The following UBE2D3 variants were observed in gnomAD, a reference collection of about 807,000 sequenced individuals.
UBE2D3 encodes ubiquitin-conjugating enzyme E2 D3.
A neutral mutation model predicts 22.8 loss-of-function variants in UBE2D3; 2 were observed. The ratio of observed to expected loss-of-function variants is 0.09; its 90% confidence interval spans 0.04 to 0.28. The LOEUF (loss-of-function observed/expected upper bound fraction) is 0.28, where lower values mean the gene tolerates loss of function less well. Among genes scored for constraint, UBE2D3 ranks in the 10% least tolerant of loss-of-function variants. The pLI, the probability that UBE2D3 is intolerant of heterozygous loss-of-function variation, is 1.00. For missense variants in UBE2D3, 27 were observed against 182.5 expected (o/e 0.15, Z 4.91); for synonymous variants, 56 against 60.4 (o/e 0.93, Z 0.34).
chr4:102,827,656 G>A (rs1159632635), upstream of UBE2D3: 2 of 986,280 alleles, frequency 2.0e-6, no homozygotes, highest in African/African-American at 1.7e-5. Flanking sequence ...ATGTGAGGCC[G>A]AAGCCAGACG....
Position 102,826,561 on chromosome 4 carries a change from C to T in UBE2D3, c.-53G>A. On this transcript the variant is annotated 5_prime_UTR_variant, in exon 2 of 8. Transcript: ENST00000453744. ...CTCTCTCGGTGTATGCTCAAAGGTCCGGCCAAAACTCTTGATTATCCCGGC... is the reference window on the plus strand; with the variant it reads ...CTCTCTCGGTGTATGCTCAAAGGTCTGGCCAAAACTCTTGATTATCCCGGC... 2 of 1,609,656 alleles carry T rather than the reference C, an allele frequency of 1.2e-6. No individual in the cohort carries two copies. The highest frequency in any genetic ancestry group is 8.5e-7 in the Non-Finnish European group (1 of 1,179,638).
intron 1 of UBE2D3, among the ~76,000 whole-genome samples, chr4:102,835,225 T>C (rs1731329073): frequency 6.6e-6 from 1 of 152,240 alleles, no homozygotes; most frequent in Non-Finnish European, 1.5e-5. Flanking sequence ...CATTTTTAAT[T>C]GCATATTTTC....
chr4:102,823,218 T>G (rs1729911176), intron 2 of UBE2D3, among the ~76,000 whole-genome samples: 1 of 152,200 alleles, frequency 6.6e-6, no homozygotes, highest in African/African-American at 2.4e-5. Context: ...TAAAGGATGA[T>G]ATCAAACTGT....
upstream of UBE2D3, among the ~76,000 whole-genome samples, chr4:102,828,652 C>G (rs1228328773): frequency 6.6e-6 from 1 of 152,168 alleles, no homozygotes; most frequent in Admixed American, 6.5e-5. Context: ...TGCTGTGTTT[C>G]AGTTCTTGAG....
At chr4:102,846,714 A>T (rs887044239) in intron 1 of UBE2D3, among the ~76,000 whole-genome samples, 8 of 152,042 alleles carry the variant, frequency 5.3e-5, no homozygotes, top group Non-Finnish European at 1.2e-4. Context: ...ATCATGGCTC[A>T]TTGCAACTTT....
Position 102,795,112 on chromosome 4 carries a change from G to C in UBE2D3, c.*2303C>G. The C allele has an allele frequency of 6.6e-6, 1 of 152,044 alleles. No individual in the cohort carries two copies. The highest frequency in any genetic ancestry group is 1.9e-4 in the East Asian group (1 of 5,200). 9.4% of individuals were successfully genotyped at this position (152,044 alleles called of 1,614,324 possible). A position where few individuals can be genotyped will look rare whatever the true frequency, so the allele number is the denominator to read the frequency against. ...TTACTGTTCTTTTAAACCTGGAGAA[G>C]CCTCTATGGCTTATTCCCTTAGAAG... On this transcript the variant is annotated 3_prime_UTR_variant, in exon 8 of 8. Transcript: ENST00000453744.
At chr4:102,807,510 G>C (rs1263343535) in intron 4 of UBE2D3, among the ~76,000 whole-genome samples, 1 of 152,118 alleles carries the variant, frequency 6.6e-6, no homozygotes, top group African/African-American at 2.4e-5. Context: ...ACATATTTCA[G>C]TGAGTACTGC....
chr4:102,825,304 A>G (rs910922169), intron 2 of UBE2D3: 3 of 987,198 alleles, frequency 3.0e-6, no homozygotes, highest in Non-Finnish European at 3.6e-6. Flanking sequence ...AGTTAGCTGT[A>G]AACACTCCAC....
At chr4:102,826,989 G>A (rs937929024) in intron 1 of UBE2D3, 24 of 997,724 alleles carry the variant, frequency 2.4e-5, no homozygotes, top group Non-Finnish European at 2.7e-5. Flanking sequence ...AGGCAAGGGG[G>A]GAGGGGGAAG....
chr4:102,814,252 T>C (rs978390786), intron 2 of UBE2D3, among the ~76,000 whole-genome samples: 10 of 137,832 alleles, frequency 7.3e-5, no homozygotes. Context: ...TTTCAGAAGC[T>C]TTTTTTTTTT....
At chr4:102,827,148 C>G (rs867852624) in intron 1 of UBE2D3, 11 of 986,824 alleles carry the variant, frequency 1.1e-5, no homozygotes, top group Middle Eastern at 5.2e-4. Context: ...CCACCGTACA[C>G]TCACTCCGCC....
At chr4:102,864,538 G>A (rs986625306) in intron 1 of UBE2D3, among the ~76,000 whole-genome samples, 2 of 152,110 alleles carry the variant, frequency 1.3e-5, no homozygotes, top group Non-Finnish European at 2.9e-5. Context: ...TGGTAAAGAC[G>A]ATAATGATAA....
At chr4:102,840,451 G>T (rs223370) in intron 1 of UBE2D3, among the ~76,000 whole-genome samples, 38,420 of 152,130 alleles carry the variant, frequency 0.25, 5,211 homozygotes, top group African/African-American at 0.36. Context: ...TGTGTTAAGT[G>T]AAATAAGCCA....
At chr4:102,850,309 G>T (rs1172486943) in intron 1 of UBE2D3, among the ~76,000 whole-genome samples, 1 of 151,816 alleles carries the variant, frequency 6.6e-6, no homozygotes, top group Non-Finnish European at 1.5e-5. Flanking sequence ...CTGGATACAG[G>T]GACACTCTGT....
chr4:102,846,255 A>G (rs1040765459), intron 1 of UBE2D3, among the ~76,000 whole-genome samples: 15 of 152,206 alleles, frequency 9.9e-5, no homozygotes, highest in East Asian at 9.6e-4. Flanking sequence ...TGCTCCCATC[A>G]TCATTGCATT....
intron 6 of UBE2D3, 127 bp from the exon 7 acceptor site, chr4:102,799,627 G>A (rs1338466283): frequency 7.9e-6 from 5 of 632,758 alleles, no homozygotes; most frequent in South Asian, 2.5e-5. Flanking sequence ...ATCTCAATGA[G>A]ACACAGTTTT....
intron 2 of UBE2D3, among the ~76,000 whole-genome samples, chr4:102,824,996 C>T (rs1730229586): frequency 6.6e-6 from 1 of 152,106 alleles, no homozygotes; most frequent in Admixed American, 6.5e-5. Context: ...TCGCATAACC[C>T]AAAATGACGA....
chr4:102,848,889 G>A (rs1442486929), intron 1 of UBE2D3, among the ~76,000 whole-genome samples: 1 of 151,028 alleles, frequency 6.6e-6, no homozygotes, highest in African/African-American at 2.4e-5. Flanking sequence ...TTATAGGAAC[G>A]AGGTTATTCC....
intron 1 of UBE2D3, among the ~76,000 whole-genome samples, chr4:102,848,926 T>C (rs1251894229): frequency 4.0e-5 from 1 of 25,280 alleles, no homozygotes; most frequent in Non-Finnish European, 7.0e-5. Context: ...TGTGCCTGTG[T>C]GTGTGTGTGT....
Sources: allele counts gnomAD v4.1 joint callset (sites outside exome capture counted in the v4.1 genomes callset), GRCh38; gene constraint gnomAD v4.1.1; transcripts MANE v1.5; gene names NCBI Gene and HGNC (gene_info 2026-07-23, HGNC 2026-07-21).